The following LARGE1 variants were observed in gnomAD, a reference collection of about 807,000 sequenced individuals.
LARGE1 encodes the protein LARGE xylosyl- and glucuronyltransferase 1, also known as xylosyl- and glucuronyltransferase LARGE1.
Under a neutral mutation model 87.6 loss-of-function variants are expected in LARGE1, and 43 were observed. The observed-to-expected ratio is 0.49, with a 90% CI of 0.38 to 0.63. The LOEUF (loss-of-function observed/expected upper bound fraction) is 0.63. LARGE1 is among the 30% of genes least tolerant of loss of function. The pLI, the probability that LARGE1 is intolerant of heterozygous loss-of-function variation, is 0.00. For synonymous variants in LARGE1, 434 were observed against 394.6 expected, an observed-to-expected ratio of 1.10 and a Z score of -1.18; for missense variants, 802 against 1,000.2, an observed-to-expected ratio of 0.80 and a Z score of 2.67.
At chr22:33,883,626 C>T (rs1390262139) in intron 1 of LARGE1, among the ~76,000 whole-genome samples, 1 of 152,256 alleles carries the variant, frequency 6.6e-6, no homozygotes, top group African/African-American at 2.4e-5. Flanking sequence ...TTCCTAGGGG[C>T]TTGCGCCCTT....
intron 9 of LARGE1, among the ~76,000 whole-genome samples, chr22:33,354,718 G>T (rs1417432380): frequency 6.6e-6 from 1 of 152,170 alleles, no homozygotes; most frequent in African/African-American, 2.4e-5. Flanking sequence ...AGTATAAAAT[G>T]TATTCAGCCA....
intron 6 of LARGE1, among the ~76,000 whole-genome samples, chr22:33,442,192 G>A (rs1016518252): frequency 6.6e-6 from 1 of 152,186 alleles, no homozygotes; most frequent in Non-Finnish European, 1.5e-5. Context: ...CTAGGGAGAA[G>A]CTTCCGATCA....
intron 11 of LARGE1, among the ~76,000 whole-genome samples, chr22:33,254,171 C>T (rs575256428): frequency 5.3e-5 from 8 of 152,044 alleles, no homozygotes; most frequent in Non-Finnish European, 7.4e-5. Flanking sequence ...AAGCTTATCA[C>T]GAAAAAAAGA....
At chr22:33,215,242 T>A (rs942250425) in intron 11 of LARGE1, among the ~76,000 whole-genome samples, 1 of 152,174 alleles carries the variant, frequency 6.6e-6, no homozygotes, top group African/African-American at 2.4e-5. Context: ...GGCCTTACAG[T>A]CCCTACTTTC....
At chr22:33,468,224 CCT>C (rs1569190576) in intron 6 of LARGE1, among the ~76,000 whole-genome samples, 1 of 152,130 alleles carries the variant, frequency 6.6e-6, no homozygotes, top group Admixed American at 6.6e-5. Flanking sequence ...ACAATTCACC[CCT>C]CTCAAGCCTC....
chr22:33,544,001 C>T (rs1381815586), intron 6 of LARGE1, among the ~76,000 whole-genome samples: 1 of 152,184 alleles, frequency 6.6e-6, no homozygotes, highest in Non-Finnish European at 1.5e-5. Flanking sequence ...TTGGTATGTC[C>T]TAGAGAATGT....
At chr22:33,624,187 C>A (rs1370641114) in intron 4 of LARGE1, among the ~76,000 whole-genome samples, 2 of 152,024 alleles carry the variant, frequency 1.3e-5, no homozygotes, top group Non-Finnish European at 2.9e-5. Flanking sequence ...TAATGAACTC[C>A]CCCAGACTGA....
intron 1 of LARGE1, among the ~76,000 whole-genome samples, chr22:33,804,124 C>T (rs942659289): frequency 3.9e-5 from 6 of 152,190 alleles, no homozygotes; most frequent in Admixed American, 1.3e-4. Flanking sequence ...CATAGCAATC[C>T]TGACTGCCAT....
intron 7 of LARGE1, among the ~76,000 whole-genome samples, chr22:33,405,675 T>C (rs1285297648): frequency 6.6e-6 from 1 of 152,154 alleles, no homozygotes; most frequent in Non-Finnish European, 1.5e-5. Flanking sequence ...CGACAAATAG[T>C]GAGATTTTGA....
intron 1 of LARGE1, among the ~76,000 whole-genome samples, chr22:33,794,201 AT>A (rs1434998166): frequency 6.6e-6 from 1 of 152,100 alleles, no homozygotes; most frequent in African/African-American, 2.4e-5. Context: ...TTTGTGAATA[AT>A]TTGCAAATGC....
chr22:33,377,705 T>C (rs1267091598), intron 9 of LARGE1, among the ~76,000 whole-genome samples: 1 of 152,192 alleles, frequency 6.6e-6, no homozygotes, highest in Admixed American at 6.5e-5. Context: ...CTTCTGATAG[T>C]CCAATGAGAC....
intron 11 of LARGE1, 134 bp downstream of exon 11, chr22:33,315,951 T>C (rs954212366): frequency 1.3e-5 from 13 of 1,032,936 alleles, no homozygotes; most frequent in Admixed American, 2.0e-5. Flanking sequence ...TCTAAGCCCA[T>C]GTGCCATCTC....
In LARGE1 at chr22:33,370,059, T is replaced by C. The variant is rs139028266; in HGVS notation, c.1131+11860A>G. ...AAATTTGGGTTTGCCTGGCTACCAA[T>C]TGCTTAGGATGCTAGAGCAGTTAAC... On this transcript the variant is annotated intron_variant, in intron 9 of 14. Coordinates refer to ENST00000397394, the MANE Select transcript of LARGE1 (RefSeq NM_133642.5). Among the ~76,000 whole-genome samples the C allele has an allele frequency of 8.9e-4, 136 of 152,308 alleles. 2 individuals carry two copies. The highest frequency in any genetic ancestry group is 2.8e-3 in the African/African-American group (117 of 41,564).
rs536932252 is a variant in LARGE1 at position 33,858,344 on chromosome 22, C to T, written c.-83+61651G>A. 8.5e-5 allele frequency among the ~76,000 whole-genome samples: 13 copies of T among 152,256 alleles called. No homozygotes were observed. The South Asian group carries it at 2.3e-3, about 27-fold the overall frequency. On this transcript the variant is annotated intron_variant, in intron 1 of 14. Transcript: ENST00000397394. The stretch of plus-strand genomic sequence containing the variant: ...AGCTCAGCTCCAGCCATAACAAACC[C>T]GGACCAGAAGAGAGTGCGGTTGCAA...
the LARGE1 span, among the ~76,000 whole-genome samples, chr22:33,088,175 G>C: frequency 6.0e-3 from 910 of 152,038 alleles, 7 homozygotes; most frequent in African/African-American, 0.021. Context: ...CTGTAATCTA[G>C]GATCAATTAC....
At chr22:33,320,405 G>A (rs549258561) in intron 10 of LARGE1, among the ~76,000 whole-genome samples, 1 of 152,306 alleles carries the variant, frequency 6.6e-6, no homozygotes, top group African/African-American at 2.4e-5. Context: ...GACCTCTGCA[G>A]ATCCTGCTGG....
At chr22:33,898,276 C>G (rs1173172870) in intron 1 of LARGE1, among the ~76,000 whole-genome samples, 3 of 152,048 alleles carry the variant, frequency 2.0e-5, no homozygotes, top group African/African-American at 7.2e-5. Flanking sequence ...TACACGGTTC[C>G]CTTGATCTGG....
intron 2 of LARGE1, among the ~76,000 whole-genome samples, chr22:33,752,377 T>C (rs1285406840): frequency 1.3e-5 from 2 of 152,124 alleles, no homozygotes; most frequent in African/African-American, 4.8e-5. Context: ...CCTCCTTTTG[T>C]TAAATTGGTA....
At chr22:33,464,249 G>C (rs1208977663) in intron 6 of LARGE1, among the ~76,000 whole-genome samples, 5 of 152,170 alleles carry the variant, frequency 3.3e-5, no homozygotes, top group Non-Finnish European at 5.9e-5. Flanking sequence ...GAATGAAGGA[G>C]TTAAATGTGA....
Sources: allele counts gnomAD v4.1 joint callset (sites outside exome capture counted in the v4.1 genomes callset), GRCh38; gene constraint gnomAD v4.1.1; transcripts MANE v1.5; gene names NCBI Gene and HGNC (gene_info 2026-07-23, HGNC 2026-07-21).